The following GOLGA3 variants were observed in gnomAD, a reference collection of about 807,000 sequenced individuals.
The protein encoded by GOLGA3 is golgin subfamily A member 3.
In GOLGA3, 75 loss-of-function variants were observed where a neutral mutation model predicts 169.4. That is an observed-to-expected ratio of 0.44 (90% CI 0.37 to 0.54). The LOEUF is 0.54. Ranked by LOEUF, GOLGA3 falls within the 20% of genes least tolerant of loss-of-function variation. GOLGA3 has a pLI of 0.00. For missense variants in GOLGA3, 1,899 were observed against 1,930.0 expected, an observed-to-expected ratio of 0.98 and a Z score of 0.30; for synonymous variants, 824 against 822.4, an observed-to-expected ratio of 1.00 and a Z score of -0.03.
At chr12:132,799,640 C>T (rs1048948105) in intron 8 of GOLGA3, among the ~76,000 whole-genome samples, 2 of 152,060 alleles carry the variant, frequency 1.3e-5, no homozygotes, top group African/African-American at 4.8e-5. Flanking sequence ...AAGACCCTGT[C>T]TCCGAAAAAA....
At chr12:132,791,519 G>A (rs546556051) in intron 11 of GOLGA3, among the ~76,000 whole-genome samples, 13 of 151,700 alleles carry the variant, frequency 8.6e-5, no homozygotes, top group Non-Finnish European at 1.5e-4. Flanking sequence ...CATCTGCAGC[G>A]ATGTTACACT....
chr12:132,825,253 C>T (rs976468333), intron 1 of GOLGA3, among the ~76,000 whole-genome samples: 3 of 152,232 alleles, frequency 2.0e-5, no homozygotes, highest in Admixed American at 6.5e-5. Flanking sequence ...TGTGTGCCTG[C>T]GCGTGCAGAC....
At chr12:132,786,254 C>A in intron 15 of GOLGA3, 85 bp downstream of exon 15, 2 of 963,690 alleles carry the variant, frequency 2.1e-6, no homozygotes, top group South Asian at 3.2e-5. Flanking sequence ...CCCCGCTAGG[C>A]TTTAGGGGAC....
intron 20 of GOLGA3, 62 bp downstream of exon 20, chr12:132,776,891 ATGGAG>A (rs2136264318): frequency 6.5e-7 from 1 of 1,547,218 alleles, no homozygotes; most frequent in South Asian, 1.3e-5. Flanking sequence ...CCCAAGCAGG[ATGGAG>A]TGAAGTCACC....
intron 8 of GOLGA3, among the ~76,000 whole-genome samples, chr12:132,801,432 T>C (rs1489140976): frequency 1.3e-5 from 2 of 151,468 alleles, no homozygotes; most frequent in Non-Finnish European, 2.9e-5. Context: ...CACGCAACAC[T>C]GTGCCGAGTC....
intron 6 of GOLGA3, among the ~76,000 whole-genome samples, chr12:132,806,399 A>G (rs987136806): frequency 2.0e-5 from 3 of 152,262 alleles, no homozygotes; most frequent in African/African-American, 4.8e-5. Flanking sequence ...GCCTCAAAAC[A>G]GCCGAAATCA....
intron 8 of GOLGA3, among the ~76,000 whole-genome samples, chr12:132,799,992 C>T (rs1048355103): frequency 1.3e-5 from 2 of 152,150 alleles, no homozygotes; most frequent in East Asian, 3.9e-4. Flanking sequence ...CGGCCCGCCT[C>T]GGCCTCCCAA....
Position 132,822,075 on chromosome 12 carries a change from A to G in GOLGA3, c.54T>C (p.Ser18=). 6.2e-7 allele frequency: 1 copy of G among 1,606,554 alleles called. No homozygotes were observed. The highest frequency in any genetic ancestry group is 1.7e-4 in the Middle Eastern group (1 of 6,038). ...GGGCCTCGGGGAGAGACGAGGGGCC[A>G]CTGTGGGATCTGTCCTCCTGGAGGC... The part of the protein sequence containing the change: ...QDGLQEDRSH[S]GPSSLPEAPL... Residue 18 remains serine, a synonymous_variant, in exon 2 of 24, where the codon AGT becomes AGC. Coordinates refer to ENST00000450791, the MANE Select transcript of GOLGA3 (RefSeq NM_001389683.1).
rs1403423557 is a variant in GOLGA3, at chr12:132,777,710, C to T, written c.3678G>A (p.Lys1226=). The change falls in exon 19 of 24, where the codon AAG becomes AAA. Residue 1226 remains lysine, a synonymous_variant. Coordinates refer to ENST00000450791, the MANE Select transcript of GOLGA3 (RefSeq NM_001389683.1). This position sits in a 1 kb window ranked among gnomAD's most constrained non-coding sequence, Gnocchi z 4.7. ...CCTGCAGCTTCTGCACCAGGTGTTCCTTGGCCTGCAGCTCCTTCTTCACCT... is the reference window on the plus strand; with the variant it reads ...CCTGCAGCTTCTGCACCAGGTGTTCTTTGGCCTGCAGCTCCTTCTTCACCT... ...LSEVKKELQA[K]EHLVQKLQAE... is the part of the protein sequence containing the mutation. 2 of 1,614,088 alleles carry T rather than the reference C, an allele frequency of 1.2e-6. No individual in the cohort carries two copies. The highest frequency in any genetic ancestry group is 2.2e-5 in the South Asian group (2 of 91,086).
chr12:132,775,117 C>G, intron 22 of GOLGA3, 24 bp downstream of exon 22: 1 of 1,605,538 alleles, frequency 6.2e-7, no homozygotes, highest in South Asian at 1.1e-5. Context: ...TCGGCTACCC[C>G]GGGAGGGACG....
rs1459851392 is a variant in GOLGA3 at position 132,769,329 on chromosome 12, A to T, written c.*3776T>A. The T allele has an allele frequency of 6.6e-6, 1 of 152,250 alleles. No individual in the cohort carries two copies. The highest frequency in any genetic ancestry group is 1.5e-5 in the Non-Finnish European group (1 of 68,058). 9.4% of individuals were successfully genotyped at this position (152,250 alleles called of 1,614,324 possible). Reference sequence around the variant, plus strand: ...CCCTCCCCTCCTAGAATCTTCACGTACAACATTCTGTTTTTGTTTTTAAAG... The same window carrying T: ...CCCTCCCCTCCTAGAATCTTCACGTTCAACATTCTGTTTTTGTTTTTAAAG... On this transcript the variant is annotated 3_prime_UTR_variant, in exon 24 of 24. Transcript: ENST00000450791.
chr12:132,785,331 A>C (rs1000834628), intron 15 of GOLGA3, among the ~76,000 whole-genome samples: 16 of 152,166 alleles, frequency 1.1e-4, no homozygotes, highest in African/African-American at 3.9e-4. Context: ...AATTTCAGAC[A>C]CAGAGTCTCT....
At position 132,808,186 on chromosome 12, in the gene GOLGA3, C is replaced by A; in HGVS notation, c.883G>T (p.Asp295Tyr). ...SEISLSPDTD[D>Y]RLENTSLAGD... Reference sequence around the variant, plus strand: ...GCCAGGGAGGTGTTCTCCAGACGGTCGTCAGTGTCGGGGGACAGGCTGATC... The same window carrying A: ...GCCAGGGAGGTGTTCTCCAGACGGTAGTCAGTGTCGGGGGACAGGCTGATC... Residue 295 changes from aspartate (D) to tyrosine (Y), a missense_variant, in exon 5 of 24, where the codon GAC (aspartate) becomes TAC (tyrosine). Transcript: ENST00000450791. The A allele has an allele frequency of 1.2e-6, 2 of 1,613,290 alleles. No individual in the cohort carries two copies. Among genetic ancestry groups the A allele is most frequent in the Non-Finnish European group, 1.7e-6 (2 of 1,179,412 alleles).
intron 4 of GOLGA3, among the ~76,000 whole-genome samples, chr12:132,811,125 T>C (rs1021519237): frequency 1.3e-5 from 2 of 152,186 alleles, no homozygotes; most frequent in Non-Finnish European, 2.9e-5. Context: ...CCTGCCCCTT[T>C]TGCTTTGTAT....
In GOLGA3 at chr12:132,786,517, C is replaced by A; in HGVS notation, c.2945G>T (p.Gly982Val). 1 of 1,613,480 alleles carries A rather than the reference C, an allele frequency of 6.2e-7. No individual in the cohort carries two copies. Residue 982 changes from glycine to valine, a missense_variant, in exon 15 of 24, where the codon GGC becomes GTC. Physicochemically the swap from Gly to Val is moderately radical, Grantham distance 109. Transcript: ENST00000450791. The stretch of plus-strand genomic sequence containing the variant: ...CTTCTGGGCGCTGGTCAAGTCTGAG[C>A]CCAGCCGCCTCATCTTCTGCTTCTG... ...TEQKQKMRRL[G>V]SDLTSAQKEM...
Position 132,796,199 on chromosome 12 carries a change from G to A in GOLGA3, c.2122C>T (p.Arg708Ter), listed in dbSNP as rs1948824827. Residue 708 changes from arginine to a stop codon, truncating the protein, a stop_gained, in exon 11 of 24, where the codon CGA (arginine) becomes TGA (stop). Transcript: ENST00000450791. LOFTEE classifies it high-confidence loss of function. ...LEQVKLTLLQ[R>*]DQQLEALQQE... is the part of the protein sequence containing the mutation. ...TGCAAAGCCTCAAGCTGCTGGTCTCGCTGGAGTAAAGTCAACTTCACCTGG... is the reference window on the plus strand; with the variant it reads ...TGCAAAGCCTCAAGCTGCTGGTCTCACTGGAGTAAAGTCAACTTCACCTGG... The A allele has an allele frequency of 1.9e-6, 3 of 1,593,060 alleles. No individual in the cohort carries two copies. The highest frequency in any genetic ancestry group is 1.7e-5 in the Admixed American group (1 of 59,536).
intron 13 of GOLGA3, among the ~76,000 whole-genome samples, chr12:132,788,549 T>G (rs61951350): frequency 0.32 from 49,083 of 151,948 alleles, 8,301 homozygotes; most frequent in East Asian, 0.52. Flanking sequence ...AGGCTCAGCT[T>G]CCACAGGAAC....
At chr12:132,828,286 C>G (rs925745111) in intron 1 of GOLGA3, 1 of 152,366 alleles carries the variant, frequency 6.6e-6, no homozygotes, top group Non-Finnish European at 1.5e-5. Context: ...ACCCACAATA[C>G]CCAGGACCCG....
intron 9 of GOLGA3, among the ~76,000 whole-genome samples, chr12:132,797,499 T>G (rs1361641176): frequency 6.6e-6 from 1 of 152,134 alleles, no homozygotes; most frequent in Non-Finnish European, 1.5e-5. Flanking sequence ...TCACCTGAGG[T>G]CAAGAGTTTG....
Sources: gnomAD v4.1 joint callset for allele counts (sites outside exome capture counted in the v4.1 genomes callset) on GRCh38, gnomAD v4.1.1 for gene constraint, Gnocchi (gnomAD v3.1) non-coding constraint, MANE v1.5 for transcripts, NCBI Gene and HGNC (gene_info 2026-07-23, HGNC 2026-07-21) for gene names.